DHTKD1: variants seen among roughly 807,000 people sequenced by gnomAD.
DHTKD1 encodes 2-oxoadipate dehydrogenase complex component E1.
DHTKD1 carries 78 observed loss-of-function variants against 101.8 expected under a neutral mutation model. The observed-to-expected ratio is 0.77, with a 90% confidence interval of 0.64 to 0.93. DHTKD1 has a LOEUF of 0.93. DHTKD1 is among the 40% of genes least tolerant of loss of function. The pLI is 0.00. For missense variants in DHTKD1, 1,223 were observed against 1,161.7 expected, an observed-to-expected ratio of 1.05 and a Z score of -0.77; for synonymous variants, 462 against 450.3, an observed-to-expected ratio of 1.03 and a Z score of -0.33.
chr10:12,073,573 G>C (rs143765354), intron 1 of DHTKD1, among the ~76,000 whole-genome samples: 1 of 152,074 alleles, frequency 6.6e-6, no homozygotes, highest in African/African-American at 2.4e-5. Flanking sequence ...CTTGAACTCC[G>C]GAGCTCAAGC....
At chr10:12,082,599 A>G (rs904578694) in intron 2 of DHTKD1, among the ~76,000 whole-genome samples, 33 of 143,770 alleles carry the variant, frequency 2.3e-4, no homozygotes, top group Admixed American at 3.7e-4. Context: ...GCAAGGTGGT[A>G]GTTTTCTCTC....
chr10:12,097,485 GCTGGT>G (rs964498501), intron 7 of DHTKD1, among the ~76,000 whole-genome samples, 194 bp from the exon 8 acceptor site: 1 of 152,072 alleles, frequency 6.6e-6, no homozygotes, highest in African/African-American at 2.4e-5. Flanking sequence ...CGTTGGCCAG[GCTGGT>G]CCCGAACTCC....
intron 12 of DHTKD1, among the ~76,000 whole-genome samples, chr10:12,111,913 C>CGAA (rs1833336395): frequency 6.6e-6 from 1 of 152,012 alleles, no homozygotes; most frequent in Non-Finnish European, 1.5e-5. Flanking sequence ...TGTGTTGTCT[C>CGAA]CAGCTACTTT....
chr10:12,117,475 G>A (rs1217981885), intron 13 of DHTKD1, among the ~76,000 whole-genome samples, 198 bp from the exon 14 acceptor site: 2 of 151,996 alleles, frequency 1.3e-5, no homozygotes, highest in African/African-American at 4.8e-5. Flanking sequence ...GCTATCTTAT[G>A]TAACCTCAGA....
At chr10:12,120,733 A>G in intron 16 of DHTKD1, 54 bp from the exon 17 acceptor site, 2 of 1,448,062 alleles carry the variant, frequency 1.4e-6, no homozygotes, top group Non-Finnish European at 9.7e-7. Flanking sequence ...GGAACTAAGC[A>G]GAGCTCTGAT....
At position 12,103,500 on chromosome 10, in the gene DHTKD1, T is replaced by TGTGTGTGTGTGTGTGTGC. The variant is rs1441794789; in HGVS notation, c.1896+2336_1896+2337insCGTGTGTGTGTGTGTGTG. ...CGTTGTACATCTCAATCTGTGTGTG[T>TGTGTGTGTGTGTGTGTGC]GTGTGTGTGTGTGTGTGTGTGTGTG... On this transcript the variant is annotated intron_variant, in intron 10 of 16. Transcript: ENST00000263035. The surrounding 1 kb of genome is among the most constrained non-coding windows in gnomAD (Gnocchi z 4.8). Among the ~76,000 whole-genome samples the TGTGTGTGTGTGTGTGTGC allele has an allele frequency of 1.4e-5, 2 of 147,870 alleles. No individual in the cohort carries two copies. Among genetic ancestry groups the TGTGTGTGTGTGTGTGTGC allele is most frequent in the African/African-American group, 5.2e-5 (2 of 38,262 alleles).
rs1235356654 is a variant in DHTKD1 at position 12,100,952 on chromosome 10, A to G, written c.1757-90A>G. ...TGTTATCCTAAGGAAAATTCTCAGG[A>G]TTAAGCCAGTATATAAGAATTTACA... On this transcript the variant is annotated intron_variant, in intron 9 of 16. Transcript: ENST00000263035. 2.2e-6 allele frequency: 3 copies of G among 1,351,372 alleles called. No individual in the cohort carries two copies. The Admixed American group carries it at 5.8e-5, about 26-fold the overall frequency. 83.7% of individuals were successfully genotyped at this position (1,351,372 alleles called of 1,614,324 possible).
chr10:12,097,309 G>A (rs568799921), intron 7 of DHTKD1, among the ~76,000 whole-genome samples: 2 of 151,760 alleles, frequency 1.3e-5, no homozygotes, highest in South Asian at 4.2e-4. Context: ...TTTCACTTTT[G>A]TTGCCTAGGC....
chr10:12,069,548 A>G (rs1588597709), intron 1 of DHTKD1, among the ~76,000 whole-genome samples: 2 of 101,838 alleles, frequency 2.0e-5, no homozygotes, highest in East Asian at 3.0e-4. Flanking sequence ...TTTGAGACGG[A>G]GTCTCGCTCT....
chr10:12,118,686 C>G, intron 14 of DHTKD1, 63 bp from the exon 15 acceptor site: 1 of 1,388,782 alleles, frequency 7.2e-7, no homozygotes, highest in East Asian at 2.7e-5. Flanking sequence ...CTGGCCTCTT[C>G]TGACGTAATT....
At chr10:12,119,987 A>T (rs185092830) in intron 15 of DHTKD1, among the ~76,000 whole-genome samples, 195 bp from the exon 16 acceptor site, 1 of 152,208 alleles carries the variant, frequency 6.6e-6, no homozygotes, top group Non-Finnish European at 1.5e-5. Context: ...AATATCTCAG[A>T]TAATTTATCG....
rs1833097147 is a variant in DHTKD1, at chr10:12,097,880, A to G, written c.1555A>G (p.Ile519Val). ...GGGCCTGGCTCAGCCAGAAGCGCAA[A>G]TCACCACCTGGAGTACAGGTGTGCC... ...WQGLAQPEAQ[I>V]TTWSTGVPLD... is the part of the protein sequence containing the mutation. The change falls in exon 8 of 17, where the codon ATC (isoleucine) becomes GTC (valine). Residue 519 changes from isoleucine to valine, a missense_variant. Transcript: ENST00000263035. The G allele has an allele frequency of 1.2e-6, 2 of 1,614,182 alleles. No homozygotes were observed. Among genetic ancestry groups the G allele is most frequent in the Non-Finnish European group, 1.7e-6 (2 of 1,180,032 alleles).
At chr10:12,102,705 A>G (rs1564395495) in intron 10 of DHTKD1, among the ~76,000 whole-genome samples, 3 of 152,108 alleles carry the variant, frequency 2.0e-5, no homozygotes, top group South Asian at 4.1e-4. Context: ...TGAAGATTTA[A>G]TTTAGTTTCA....
chr10:12,109,912 C>A (rs1327565920), intron 12 of DHTKD1, among the ~76,000 whole-genome samples: 1 of 152,066 alleles, frequency 6.6e-6, no homozygotes, highest in Non-Finnish European at 1.5e-5. Context: ...GTGGTAGGGA[C>A]AAAAGTCTGT....
chr10:12,081,389 AAG>A, intron 1 of DHTKD1, 81 bp from the exon 2 acceptor site: 1 of 1,190,036 alleles, frequency 8.4e-7, no homozygotes, highest in Admixed American at 1.7e-5. Context: ...CTAGGGCTGT[AAG>A]AGCTTCTTTG....
chr10:12,123,099 A>C lies in DHTKD1; in HGVS notation c.*2211A>C, dbSNP rs1255877300. The C allele has an allele frequency of 6.6e-6, 1 of 152,200 alleles. No individual in the cohort carries two copies. Among genetic ancestry groups the C allele is most frequent in the Non-Finnish European group, 1.5e-5 (1 of 68,040 alleles). The allele number at this position is 152,200 out of a possible 1,614,324, so 9.4% of individuals were successfully genotyped here. Reference sequence around the variant, plus strand: ...CTTCCTGTGTCAAGCCTTATAAATCATGTAATTTAGTGCCACTCATGTAAA... The same window carrying C: ...CTTCCTGTGTCAAGCCTTATAAATCCTGTAATTTAGTGCCACTCATGTAAA... On this transcript the variant is annotated 3_prime_UTR_variant, in exon 17 of 17. Coordinates refer to ENST00000263035, the MANE Select transcript of DHTKD1 (RefSeq NM_018706.7).
intron 5 of DHTKD1, among the ~76,000 whole-genome samples, chr10:12,090,396 CCTTCCTTCCTTT>C: frequency 7.5e-6 from 1 of 134,018 alleles, no homozygotes; most frequent in African/African-American, 2.7e-5. Flanking sequence ...TTTTTTCCTT[CCTTCCTTCCTTT>C]TTTCCTTCCT....
intron 4 of DHTKD1, among the ~76,000 whole-genome samples, chr10:12,088,517 C>G (rs1288546966): frequency 6.6e-6 from 1 of 151,738 alleles, no homozygotes; most frequent in East Asian, 1.9e-4. Flanking sequence ...AGCAGTTGGT[C>G]CAGGAGGTAG....
chr10:12,076,345 A>G (rs780612703), intron 1 of DHTKD1, among the ~76,000 whole-genome samples: 2 of 152,200 alleles, frequency 1.3e-5, no homozygotes, highest in Non-Finnish European at 2.9e-5. Context: ...ATGTGGTGGC[A>G]CAGGCCTGTA....
Sources: allele counts gnomAD v4.1 joint callset (sites outside exome capture counted in the v4.1 genomes callset), GRCh38; gene constraint gnomAD v4.1.1; non-coding constraint Gnocchi (gnomAD v3.1); transcripts MANE v1.5; gene names NCBI Gene and HGNC (gene_info 2026-07-23, HGNC 2026-07-21).